ZYX: variants seen among roughly 807,000 people sequenced by gnomAD.
The protein encoded by ZYX is zyxin.
In ZYX, 37 loss-of-function variants were observed where a neutral mutation model predicts 58.1. That is an observed-to-expected ratio of 0.64 (90% CI 0.49 to 0.84). The LOEUF (loss-of-function observed/expected upper bound fraction) is 0.84, where lower values mean the gene tolerates loss of function less well. Among genes scored for constraint, ZYX ranks in the 40% least tolerant of loss-of-function variants. The probability of loss-of-function intolerance (pLI) is 0.00; values close to 1 mark genes in which losing one functional copy is unlikely to be tolerated. For missense variants in ZYX, 762 were observed against 761.6 expected (o/e 1.00, Z -0.01); for synonymous variants, 324 against 321.1 (o/e 1.01, Z -0.10).
Position 143,388,364 on chromosome 7 carries a change from C to T in ZYX, c.1144+25C>T. ...GGTGAGCCCACCCCACCGGGACACC[C>T]CCACCCTGCCCCCACATCACGGTGG... On this transcript the variant is annotated intron_variant, in intron 6 of 9. Coordinates refer to ENST00000322764, the MANE Select transcript of ZYX (RefSeq NM_003461.5). This position sits in a 1 kb window ranked among gnomAD's most constrained non-coding sequence, Gnocchi z 7.5. The T allele has an allele frequency of 6.2e-7, 1 of 1,612,912 alleles. No homozygotes were observed. The highest frequency in any genetic ancestry group is 8.5e-7 in the Non-Finnish European group (1 of 1,179,270).
At chr7:143,382,710 G>C (rs1279909686) in intron 4 of ZYX, 25 bp downstream of exon 4, 1 of 1,614,076 alleles carries the variant, frequency 6.2e-7, no homozygotes. Flanking sequence ...AGTAGGAAAA[G>C]CAGGGCTCAG....
At position 143,388,773 on chromosome 7, in the gene ZYX, C is replaced by G. The variant is rs752866447; in HGVS notation, c.1321C>G (p.Leu441Val). 3.7e-6 allele frequency: 6 copies of G among 1,613,396 alleles called. No homozygotes were observed. The Admixed American group carries it at 8.3e-5, about 22-fold the overall frequency. ...PYCEGCYTDTLEKCNTCGEPI... is the reference protein window; with the variant it reads ...PYCEGCYTDTVEKCNTCGEPI... The stretch of plus-strand genomic sequence containing the variant: ...CCTCCTGCTGCCTCCTCAGGACACC[C>G]TGGAGAAGTGTAACACCTGCGGGGA... Residue 441 changes from leucine to valine, a missense_variant, in exon 8 of 10, where the codon CTG becomes GTG. Leu to Val is a conservative substitution (Grantham distance 32). Transcript: ENST00000322764. This position sits in a 1 kb window ranked among gnomAD's most constrained non-coding sequence, Gnocchi z 7.5.
At position 143,382,283 on chromosome 7, in the gene ZYX, G is replaced by C; in HGVS notation, c.244G>C (p.Gly82Arg). 1 of 1,612,906 alleles carries C rather than the reference G, an allele frequency of 6.2e-7. No homozygotes were observed. The highest frequency in any genetic ancestry group is 8.5e-7 in the Non-Finnish European group (1 of 1,179,600). Residue 82 changes from glycine to arginine, a missense_variant, in exon 3 of 10, where the codon GGC becomes CGC. Physicochemically the swap from Gly to Arg is moderately radical, Grantham distance 125. Coordinates refer to ENST00000322764, the MANE Select transcript of ZYX (RefSeq NM_003461.5). Reference sequence around the variant, plus strand: ...GCCTCCACCTCCCCTTGCTGGGGATGGCGACGATGCAGAGGGTGCTCTGGG... The same window carrying C: ...GCCTCCACCTCCCCTTGCTGGGGATCGCGACGATGCAGAGGGTGCTCTGGG... ...PLPPPPLAGD[G>R]DDAEGALGGA...
Position 143,389,891 on chromosome 7 carries a change from C to G in ZYX, c.1528C>G (p.Pro510Ala). 13 of 1,614,146 alleles carry G rather than the reference C, an allele frequency of 8.1e-6. No homozygotes were observed. Among genetic ancestry groups the G allele is most frequent in the Non-Finnish European group, 1.0e-5 (12 of 1,180,012 alleles). ...CCCGAGGTGCTCCGTCTGCTCTGAG[C>G]CCATCATGCCTGAGCCTGGCCGAGA... ...YAPRCSVCSE[P>A]IMPEPGRDET... The change falls in exon 9 of 10, where the codon CCC becomes GCC. Residue 510 changes from proline to alanine, a missense_variant. Physicochemically the swap from Pro to Ala is conservative, Grantham distance 27. Transcript: ENST00000322764. This position sits in a 1 kb window ranked among gnomAD's most constrained non-coding sequence, Gnocchi z 5.6.
chr7:143,387,836 TG>T lies in ZYX; in HGVS notation c.1024-378del. 4.2e-6 allele frequency: 2 copies of T among 480,426 alleles called. No homozygotes were observed. The allele number at this position is 480,426 out of a possible 1,614,324, so 29.8% of individuals were successfully genotyped here. ...CACGCCATTGCGTGCCCCTGTCCCA[TG>T]GGGGCGATGTCCGAGCATGCTCTGT... On this transcript the variant is annotated intron_variant, in intron 5 of 9. Coordinates refer to ENST00000322764, the MANE Select transcript of ZYX (RefSeq NM_003461.5). The surrounding 1 kb of genome is among the most constrained non-coding windows in gnomAD (Gnocchi z 5.8).
chr7:143,382,186 GA>G, intron 2 of ZYX, 61 bp from the exon 3 acceptor site: 3 of 1,415,896 alleles, frequency 2.1e-6, no homozygotes, highest in South Asian at 2.4e-5. Flanking sequence ...GCGGTTAACT[GA>G]GGGGAGCTTG....
rs913062234 is a variant in ZYX at position 143,388,500 on chromosome 7, C to T, written c.1156C>T (p.Arg386Ter). The change falls in exon 7 of 10, where the codon CGA (arginine) becomes TGA (stop). Residue 386 changes from arginine (R) to a stop codon, truncating the protein, a stop_gained. Transcript: ENST00000322764. LOFTEE classifies it high-confidence loss of function. The surrounding 1 kb of genome is among the most constrained non-coding windows in gnomAD (Gnocchi z 7.5). ...QNVAVNELCG[R>*]CHQPLARAQP... ...TCTGGCCTTCCCAGAACTCTGCGGC[C>T]GATGCCATCAACCCCTGGCCCGGGC... The T allele has an allele frequency of 4.3e-6, 7 of 1,609,956 alleles. No homozygotes were observed. Among genetic ancestry groups the T allele is most frequent in the Non-Finnish European group, 5.9e-6 (7 of 1,179,570 alleles).
In ZYX at chr7:143,382,895, C is replaced by T. The variant is rs778014646; in HGVS notation, c.596C>T (p.Pro199Leu). The T allele has an allele frequency of 8.1e-6, 13 of 1,613,854 alleles. No individual in the cohort carries two copies. The highest frequency in any genetic ancestry group is 2.2e-5 in the East Asian group (1 of 44,884). The change falls in exon 5 of 10, where the codon CCT (proline) becomes CTT (leucine). Residue 199 changes from proline to leucine, a missense_variant. Pro to Leu is a moderately conservative substitution (Grantham distance 98). Coordinates refer to ENST00000322764, the MANE Select transcript of ZYX (RefSeq NM_003461.5). ...GCCGGGGGCACAGCACCCCTGCCTC[C>T]TTGGAAGTCCCCTTCCAGCTCCCAG... ...PAAGGTAPLP[P>L]WKSPSSSQPL...
Position 143,388,521 on chromosome 7 carries a change from C to G in ZYX, c.1177C>G (p.Arg393Gly), listed in dbSNP as rs781348336. 2.5e-6 allele frequency: 4 copies of G among 1,610,206 alleles called. No homozygotes were observed. In the Admixed American group the frequency reaches 6.7e-5, roughly 27 times the overall value. The change falls in exon 7 of 10, where the codon CGG becomes GGG. Residue 393 changes from arginine (R) to glycine (G), a missense_variant. Arg to Gly is a moderately radical substitution (Grantham distance 125). Transcript: ENST00000322764. This position sits in a 1 kb window ranked among gnomAD's most constrained non-coding sequence, Gnocchi z 7.5. ...CGGCCGATGCCATCAACCCCTGGCCCGGGCGCAGCCAGCCGTCCGCGCTCT... is the reference window on the plus strand; with the variant it reads ...CGGCCGATGCCATCAACCCCTGGCCGGGGCGCAGCCAGCCGTCCGCGCTCT... The part of the protein sequence containing the change: ...LCGRCHQPLA[R>G]AQPAVRALGQ...
chr7:143,381,891 C>A, intron 2 of ZYX, 112 bp downstream of exon 2: 1 of 1,069,604 alleles, frequency 9.3e-7, no homozygotes, highest in Non-Finnish European at 1.3e-6. Context: ...CTGGGCGCAG[C>A]CACCCTGTCC....
rs763784906 is a variant in ZYX at position 143,390,350 on chromosome 7, C to A, written c.1615-228C>A. 122 of 576,424 alleles carry A rather than the reference C, an allele frequency of 2.1e-4. No individual in the cohort carries two copies. Among genetic ancestry groups the A allele is most frequent in the Non-Finnish European group, 3.3e-4 (107 of 322,004 alleles). 35.7% of individuals were successfully genotyped at this position (576,424 alleles called of 1,614,324 possible). On this transcript the variant is annotated intron_variant, in intron 9 of 9. Transcript: ENST00000322764. The surrounding 1 kb of genome is among the most constrained non-coding windows in gnomAD (Gnocchi z 4.3). ...GTGGTGGTGGGCAGGGGAGCAAGCA[C>A]CTTGGGAGCAGCTCTACCCACTGCT... is the stretch of plus-strand genomic sequence containing the variant.
intron 5 of ZYX, among the ~76,000 whole-genome samples, chr7:143,383,708 G>A (rs1804752794): frequency 6.6e-6 from 1 of 152,198 alleles, no homozygotes; most frequent in South Asian, 2.1e-4. Flanking sequence ...GCTCCTCTGA[G>A]CACTCTTTCT....
In ZYX at chr7:143,390,146, T is replaced by TG; in HGVS notation, c.1614+170dup. On this transcript the variant is annotated intron_variant, in intron 9 of 9. Transcript: ENST00000322764. The surrounding 1 kb of genome is among the most constrained non-coding windows in gnomAD (Gnocchi z 4.3). ...GTCCTGCCAGAATGCTTCCTGCCAC[T>TG]GCAGGAAATGGGGCTGTGGGGCTTC... The TG allele has an allele frequency of 4.4e-6, 4 of 914,792 alleles. No individual in the cohort carries two copies. The highest frequency in any genetic ancestry group is 4.9e-6 in the Non-Finnish European group (3 of 616,554). The allele number at this position is 914,792 out of a possible 1,614,324, so 56.7% of individuals were successfully genotyped here.
chr7:143,385,538 G>A (rs1429034737), intron 5 of ZYX, among the ~76,000 whole-genome samples: 3 of 151,896 alleles, frequency 2.0e-5, no homozygotes, highest in African/African-American at 4.8e-5. Context: ...GAGTGTGGCT[G>A]TGATGTGTAT....
In ZYX at chr7:143,389,000, G is replaced by A. The variant is rs548600125; in HGVS notation, c.1493+55G>A. ...CCCGGCGTGCTTGGTCTGGTAGCCC[G>A]GCTGCTTGCTACCCTAGCCTCAGGA... On this transcript the variant is annotated intron_variant, in intron 8 of 9. Coordinates refer to ENST00000322764, the MANE Select transcript of ZYX (RefSeq NM_003461.5). The surrounding 1 kb of genome is among the most constrained non-coding windows in gnomAD (Gnocchi z 7.5). 35 of 1,558,398 alleles carry A rather than the reference G, an allele frequency of 2.2e-5. No homozygotes were observed. Among genetic ancestry groups the A allele is most frequent in the Middle Eastern group, 2.4e-4 (1 of 4,200 alleles).
At position 143,390,497 on chromosome 7, in the gene ZYX, A is replaced by T; in HGVS notation, c.1615-81A>T. 1 of 1,040,152 alleles carries T rather than the reference A, an allele frequency of 9.6e-7. No individual in the cohort carries two copies. Among genetic ancestry groups the T allele is most frequent in the Non-Finnish European group, 1.4e-6 (1 of 697,574 alleles). 64.4% of individuals were successfully genotyped at this position (1,040,152 alleles called of 1,614,324 possible). ...CATGAAGCATCTTTCTAATTCCAAG[A>T]TGGAGCTGGATGGGGTGGGGTAGGG... On this transcript the variant is annotated intron_variant, in intron 9 of 9. Transcript: ENST00000322764. The surrounding 1 kb of genome is among the most constrained non-coding windows in gnomAD (Gnocchi z 4.3).
At chr7:143,385,994 ATATGTGTGAGTG>A (rs944499326) in intron 5 of ZYX, among the ~76,000 whole-genome samples, 1 of 148,936 alleles carries the variant, frequency 6.7e-6, no homozygotes, top group Non-Finnish European at 1.5e-5. Flanking sequence ...GTGGTATGGT[ATATGTGTGAGTG>A]TGTGTGTGTG....
Position 143,382,968 on chromosome 7 carries a change from T to A in ZYX, c.669T>A (p.His223Gln), listed in dbSNP as rs780102608. The A allele has an allele frequency of 1.9e-6, 3 of 1,613,622 alleles. No homozygotes were observed. The highest frequency in any genetic ancestry group is 4.5e-5 in the East Asian group (2 of 44,854). ...PAPAQSQTQF[H>Q]VQPQPQPKPQ... is the part of the protein sequence containing the mutation. ...CGGCTCAGAGCCAGACACAGTTCCATGTTCAGCCCCAGCCCCAGCCCAAGC... is the reference window on the plus strand; with the variant it reads ...CGGCTCAGAGCCAGACACAGTTCCAAGTTCAGCCCCAGCCCCAGCCCAAGC... Residue 223 changes from histidine (H) to glutamine (Q), a missense_variant, in exon 5 of 10, where the codon CAT (histidine) becomes CAA (glutamine). Transcript: ENST00000322764.
In ZYX at chr7:143,389,869, G is replaced by T. The variant is rs138773381; in HGVS notation, c.1506G>T (p.Pro502=). ...CVPDYHKQYA[P]RCSVCSEPIM... ...CTGCCCCTTCCAGGCAGTACGCCCC[G>T]AGGTGCTCCGTCTGCTCTGAGCCCA... The change falls in exon 9 of 10, where the codon CCG becomes CCT. Residue 502 remains proline (P), a synonymous_variant. Coordinates refer to ENST00000322764, the MANE Select transcript of ZYX (RefSeq NM_003461.5). The surrounding 1 kb of genome is among the most constrained non-coding windows in gnomAD (Gnocchi z 5.6). 1 of 1,613,878 alleles carries T rather than the reference G, an allele frequency of 6.2e-7. No individual in the cohort carries two copies. The highest frequency in any genetic ancestry group is 1.7e-5 in the Admixed American group (1 of 60,000).
Sources: gnomAD v4.1 joint callset for allele counts (sites outside exome capture counted in the v4.1 genomes callset) on GRCh38, gnomAD v4.1.1 for gene constraint, Gnocchi (gnomAD v3.1) non-coding constraint, MANE v1.5 for transcripts, NCBI Gene and HGNC (gene_info 2026-07-23, HGNC 2026-07-21) for gene names.